BMP6: variants seen among roughly 807,000 people sequenced by gnomAD.
The protein encoded by BMP6 is bone morphogenetic protein 6.
A neutral mutation model predicts 54.1 loss-of-function variants in BMP6; 17 were observed. The observed-to-expected ratio is 0.31, with a 90% CI of 0.22 to 0.47. The LOEUF (loss-of-function observed/expected upper bound fraction) is 0.47. Among genes scored for constraint, BMP6 ranks in the 20% least tolerant of loss-of-function variants. The pLI is 1.00. For synonymous variants in BMP6, 328 were observed against 291.2 expected (o/e 1.13, Z -1.28); for missense variants, 720 against 690.4 (o/e 1.04, Z -0.48).
intron 1 of BMP6, 104 bp downstream of exon 1, chr6:7,727,723 C>T: frequency 7.6e-7 from 1 of 1,311,628 alleles, no homozygotes; most frequent in Non-Finnish European, 9.8e-7. Context: ...GCGCGCGGGT[C>T]CCGCCTGGTG....
At position 7,832,975 on chromosome 6, in the gene BMP6, C is replaced by T. The variant is rs562600510; in HGVS notation, c.665-12165C>T. Among the ~76,000 whole-genome samples, 14 of 151,946 alleles carry T rather than the reference C, an allele frequency of 9.2e-5. No individual in the cohort carries two copies. In the South Asian group the frequency reaches 2.9e-3, roughly 32 times the overall value. On this transcript the variant is annotated intron_variant, in intron 1 of 6. Coordinates refer to ENST00000283147, the MANE Select transcript of BMP6 (RefSeq NM_001718.6). ...GTGGGAGGTGGCTGTGGGGTACAGG[C>T]TGAAGGGCTCTTGGCAGGCCTGTTA...
intron 1 of BMP6, among the ~76,000 whole-genome samples, chr6:7,742,801 T>C (rs1757287962): frequency 6.6e-6 from 1 of 152,080 alleles, no homozygotes; most frequent in African/African-American, 2.4e-5. Context: ...ATACAAGATG[T>C]GATGTTTCTC....
intron 1 of BMP6, among the ~76,000 whole-genome samples, chr6:7,731,766 C>G (rs563046143): frequency 6.6e-6 from 1 of 152,152 alleles, no homozygotes; most frequent in African/African-American, 2.4e-5. Context: ...AATCATCGTG[C>G]TTTATTAATA....
In BMP6 at chr6:7,830,922, C is replaced by G. The variant is rs1448749199; in HGVS notation, c.665-14218C>G. 4.9e-4 allele frequency among the ~76,000 whole-genome samples: 74 copies of G among 152,108 alleles called. 1 individual carries two copies. Among genetic ancestry groups the G allele is most frequent in the Admixed American group, 4.8e-3 (74 of 15,280 alleles). On this transcript the variant is annotated intron_variant, in intron 1 of 6. Coordinates refer to ENST00000283147, the MANE Select transcript of BMP6 (RefSeq NM_001718.6). ...GGGTGGGGACACAGCCAAACCTTAT[C>G]AAAGAGGAAGAGCAAAAGAGAATGG...
At chr6:7,798,841 C>CCTG (rs1197073774) in intron 1 of BMP6, among the ~76,000 whole-genome samples, 2 of 152,304 alleles carry the variant, frequency 1.3e-5, no homozygotes, top group East Asian at 3.9e-4. Flanking sequence ...CAGAGAAACC[C>CCTG]CTGCTAGGGT....
At position 7,870,204 on chromosome 6, in the gene BMP6, G is replaced by A. The variant is rs144209482; in HGVS notation, c.1204+7706G>A. Among the ~76,000 whole-genome samples, 100 of 152,324 alleles carry A rather than the reference G, an allele frequency of 6.6e-4. 1 individual carries two copies. The East Asian group carries it at 0.018, about 27-fold the overall frequency. ...AGACACACCTGGGGCTTGGGAGAGG[G>A]ATTTCAGAGCCATGGCTGGACCTGA... On this transcript the variant is annotated intron_variant, in intron 4 of 6. Coordinates refer to ENST00000283147, the MANE Select transcript of BMP6 (RefSeq NM_001718.6).
intron 1 of BMP6, among the ~76,000 whole-genome samples, chr6:7,730,976 C>A (rs1232513608): frequency 3.3e-5 from 5 of 152,222 alleles, no homozygotes; most frequent in Non-Finnish European, 7.3e-5. Context: ...ACATTTGAAA[C>A]ACCCCGAGCC....
At chr6:7,848,589 C>A (rs1163620571) in intron 2 of BMP6, among the ~76,000 whole-genome samples, 1 of 152,148 alleles carries the variant, frequency 6.6e-6, no homozygotes, top group African/African-American at 2.4e-5. Flanking sequence ...TGAGAAATAC[C>A]TCCTGTCGTA....
At chr6:7,832,059 C>T (rs534388651) in intron 1 of BMP6, among the ~76,000 whole-genome samples, 5 of 152,196 alleles carry the variant, frequency 3.3e-5, no homozygotes, top group East Asian at 1.9e-4. Context: ...AACAGCTGAT[C>T]GTTTTGGTAT....
intron 1 of BMP6, among the ~76,000 whole-genome samples, chr6:7,796,471 A>G (rs1758192169): frequency 6.6e-6 from 1 of 152,266 alleles, no homozygotes; most frequent in Non-Finnish European, 1.5e-5. Flanking sequence ...CATGCTAAAT[A>G]GCATCACCCC....
intron 1 of BMP6, among the ~76,000 whole-genome samples, chr6:7,745,424 C>T (rs956645345): frequency 1.3e-5 from 2 of 152,164 alleles, no homozygotes; most frequent in Non-Finnish European, 2.9e-5. Context: ...CAGGCGTATA[C>T]CACCACACTC....
intron 2 of BMP6, among the ~76,000 whole-genome samples, chr6:7,846,979 C>T (rs1201037802): frequency 6.6e-6 from 1 of 152,056 alleles, no homozygotes; most frequent in Non-Finnish European, 1.5e-5. Flanking sequence ...AGTGAAAACC[C>T]TAGGCTGGGA....
chr6:7,869,449 G>T (rs547554465), intron 4 of BMP6, among the ~76,000 whole-genome samples: 2 of 152,354 alleles, frequency 1.3e-5, no homozygotes, highest in South Asian at 4.1e-4. Flanking sequence ...CTGCATTGGG[G>T]GTATAGGCAA....
At chr6:7,845,805 T>TA (rs1221241759) in intron 2 of BMP6, among the ~76,000 whole-genome samples, 3 of 152,170 alleles carry the variant, frequency 2.0e-5, no homozygotes, top group African/African-American at 4.8e-5. Context: ...TTTTTTTTTT[T>TA]ATCACTTGGA....
chr6:7,832,415 C>T lies in BMP6; in HGVS notation c.665-12725C>T, dbSNP rs539998737. On this transcript the variant is annotated intron_variant, in intron 1 of 6. Coordinates refer to ENST00000283147, the MANE Select transcript of BMP6 (RefSeq NM_001718.6). ...CTGCTTCCACCATGTGAGGGCACAG[C>T]GAGAAGACAGCCATCTATGAACCAG... Among the ~76,000 whole-genome samples the T allele has an allele frequency of 1.1e-4, 16 of 152,124 alleles. No homozygotes were observed. In the South Asian group the frequency reaches 2.9e-3, roughly 28 times the overall value.
At chr6:7,751,103 C>A (rs1479632176) in intron 1 of BMP6, among the ~76,000 whole-genome samples, 2 of 152,182 alleles carry the variant, frequency 1.3e-5, no homozygotes, top group African/African-American at 4.8e-5. Context: ...CAGACTTGAC[C>A]AAGTGGTATT....
chr6:7,879,863 A>G (rs1351639980), intron 5 of BMP6, 128 bp from the exon 6 acceptor site: 1 of 955,096 alleles, frequency 1.0e-6, no homozygotes, highest in African/African-American at 1.6e-5. Flanking sequence ...ACAAATTCCT[A>G]AGCCTTCCTG....
chr6:7,742,246 CT>C (rs1472555098), intron 1 of BMP6, among the ~76,000 whole-genome samples: 1 of 152,212 alleles, frequency 6.6e-6, no homozygotes, highest in Non-Finnish European at 1.5e-5. Flanking sequence ...TATTTTCCTT[CT>C]ATCTGATGTC....
At chr6:7,879,278 T>A in intron 5 of BMP6, 128 bp downstream of exon 5, 1 of 969,652 alleles carries the variant, frequency 1.0e-6, no homozygotes, top group Non-Finnish European at 1.6e-6. Flanking sequence ...GTGGAAGTCC[T>A]GAGGAGCCCT....
Sources: gnomAD v4.1 joint callset for allele counts (sites outside exome capture counted in the v4.1 genomes callset) on GRCh38, gnomAD v4.1.1 for gene constraint, MANE v1.5 for transcripts, NCBI Gene and HGNC (gene_info 2026-07-23, HGNC 2026-07-21) for gene names.